The following MCTP1 variants were observed in gnomAD, a reference collection of about 807,000 sequenced individuals.
MCTP1 encodes multiple C2 and transmembrane domain containing 1, also known as multiple C2 and transmembrane domain-containing protein 1.
In MCTP1, 69 loss-of-function variants were observed where a neutral mutation model predicts 120.6. The observed-to-expected ratio is 0.57, with a 90% CI of 0.47 to 0.70. The LOEUF is 0.70. MCTP1 is among the 30% of genes least tolerant of loss of function. MCTP1 has a pLI of 0.00. For synonymous variants in MCTP1, 529 were observed against 493.1 expected (o/e 1.07, Z -0.96); for missense variants, 1,203 against 1,248.8 (o/e 0.96, Z 0.55).
rs1280306914 is a variant in MCTP1 at position 95,284,349 on chromosome 5, C to T, written c.227G>A (p.Ser76Asn). The change falls in exon 1 of 23, where the codon AGC (serine) becomes AAC (asparagine). Residue 76 changes from serine (S) to asparagine (N), a missense_variant. Ser to Asn is a conservative substitution (Grantham distance 46). Around this residue, in one of 2 missense-constraint regions of MCTP1, gnomAD observed 463 missense variants for 377.8 expected, o/e 1.23. Coordinates refer to ENST00000515393, the MANE Select transcript of MCTP1 (RefSeq NM_024717.7). The surrounding 1 kb of genome is among the most constrained non-coding windows in gnomAD (Gnocchi z 5.2). ...CCGCTTCTTGAAGCCGCTCCACCTG[C>T]TGCCTGCACCACTCCCCCTGGCCGG... ...NAPARGSGAG[S>N]RWSGFKKRKQ... is the part of the protein sequence containing the mutation. 2 of 1,596,846 alleles carry T rather than the reference C, an allele frequency of 1.3e-6. No individual in the cohort carries two copies. The highest frequency in any genetic ancestry group is 1.7e-6 in the Non-Finnish European group (2 of 1,179,306).
intron 2 of MCTP1, among the ~76,000 whole-genome samples, chr5:94,963,896 T>C (rs1345640826): frequency 1.3e-5 from 2 of 152,212 alleles, no homozygotes; most frequent in Non-Finnish European, 2.9e-5. Flanking sequence ...CCAAGACCAA[T>C]GTCAAGGAGC....
intron 19 of MCTP1, among the ~76,000 whole-genome samples, chr5:94,756,133 C>T (rs577285193): frequency 1.3e-5 from 2 of 152,314 alleles, no homozygotes; most frequent in South Asian, 2.1e-4. Context: ...CTAAGCTTCA[C>T]TAAATATACA....
chr5:95,221,752 C>G (rs1299382897), intron 1 of MCTP1, among the ~76,000 whole-genome samples: 2 of 152,176 alleles, frequency 1.3e-5, no homozygotes, highest in African/African-American at 4.8e-5. Context: ...AATGTAAGGT[C>G]TTGATGAATC....
At chr5:95,179,123 A>G (rs749667229) in intron 1 of MCTP1, among the ~76,000 whole-genome samples, 11 of 152,216 alleles carry the variant, frequency 7.2e-5, no homozygotes, top group Non-Finnish European at 1.6e-4. Flanking sequence ...CAATCTGACA[A>G]AGACAAAGAC....
intron 1 of MCTP1, among the ~76,000 whole-genome samples, chr5:95,148,018 A>C (rs919129681): frequency 1.3e-4 from 20 of 152,270 alleles, no homozygotes; most frequent in African/African-American, 4.8e-4. Context: ...GGATGCTGAA[A>C]ATAGGTCCCC....
chr5:95,069,761 C>T (rs1034769546), intron 1 of MCTP1, among the ~76,000 whole-genome samples: 1 of 149,314 alleles, frequency 6.7e-6, no homozygotes, highest in African/African-American at 2.5e-5. Context: ...TGCAGTGGTG[C>T]AATCTCTGCT....
chr5:94,719,952 C>A (rs946928835), intron 19 of MCTP1, among the ~76,000 whole-genome samples: 1 of 151,968 alleles, frequency 6.6e-6, no homozygotes, highest in East Asian at 1.9e-4. Flanking sequence ...CGTGGAGAAA[C>A]CCCGTCTCTA....
chr5:94,962,135 A>T, intron 2 of MCTP1, among the ~76,000 whole-genome samples: 1 of 152,252 alleles, frequency 6.6e-6, no homozygotes, highest in Non-Finnish European at 1.5e-5. Flanking sequence ...TAATAATAAA[A>T]AAAAAGAAAT....
intron 2 of MCTP1, among the ~76,000 whole-genome samples, chr5:95,014,429 G>T (rs919048885): frequency 1.3e-5 from 2 of 152,060 alleles, no homozygotes; most frequent in African/African-American, 4.8e-5. Flanking sequence ...AATACCAAGA[G>T]AACTACAATT....
chr5:95,016,052 C>T (rs1562021260), intron 2 of MCTP1, among the ~76,000 whole-genome samples: 2 of 152,120 alleles, frequency 1.3e-5, no homozygotes, highest in Admixed American at 1.3e-4. Flanking sequence ...TCTTTGGAAA[C>T]AGGCAGTTCA....
At chr5:95,276,320 G>A (rs1295555420) in intron 1 of MCTP1, among the ~76,000 whole-genome samples, 5 of 145,810 alleles carry the variant, frequency 3.4e-5, no homozygotes, top group African/African-American at 1.3e-4. Context: ...ATGCAGTGGC[G>A]CTATCTCAGC....
At chr5:95,054,646 T>G (rs1746887441) in intron 1 of MCTP1, among the ~76,000 whole-genome samples, 1 of 152,124 alleles carries the variant, frequency 6.6e-6, no homozygotes, top group Non-Finnish European at 1.5e-5. Flanking sequence ...AGTCAGTAAC[T>G]ATAAACTGAA....
chr5:95,243,020 G>A (rs568607999), intron 1 of MCTP1, among the ~76,000 whole-genome samples: 31 of 152,298 alleles, frequency 2.0e-4, no homozygotes, highest in African/African-American at 7.0e-4. Flanking sequence ...CCATAAGCAA[G>A]ATGAATCCCA....
intron 12 of MCTP1, among the ~76,000 whole-genome samples, chr5:94,885,385 T>C (rs1404392783): frequency 3.3e-5 from 5 of 151,878 alleles, no homozygotes; most frequent in Non-Finnish European, 2.9e-5. Context: ...AAGAACTCTT[T>C]TCTCCTTCTC....
intron 1 of MCTP1, among the ~76,000 whole-genome samples, chr5:95,242,068 ATCATTTCATTCAAATGAAGTGGTCCTCCT>A (rs1183127777): frequency 6.6e-6 from 1 of 152,208 alleles, no homozygotes; most frequent in Non-Finnish European, 1.5e-5. Context: ...AATGCTTATC[ATCATTTCATTCAAATGAAGTGGTCCTCCT>A]TATTCATTTA....
In MCTP1 at chr5:94,966,971, T is replaced by TA. The variant is rs1825768934; in HGVS notation, c.839-13611dup. Among the ~76,000 whole-genome samples the TA allele has an allele frequency of 3.3e-5, 5 of 152,324 alleles. 1 individual carries two copies. The highest frequency in any genetic ancestry group is 1.2e-4 in the African/African-American group (5 of 41,566). ...CCCTCAAAACTAGGAATGATCATTT[T>TA]ACAAAAAACGCACTCGCACAAAATC... is the stretch of plus-strand genomic sequence containing the variant. On this transcript the variant is annotated intron_variant, in intron 2 of 22. Coordinates refer to ENST00000515393, the MANE Select transcript of MCTP1 (RefSeq NM_024717.7).
intron 1 of MCTP1, among the ~76,000 whole-genome samples, chr5:95,182,366 G>T (rs1451551548): frequency 6.6e-6 from 1 of 152,150 alleles, no homozygotes. Flanking sequence ...CACTCTGTAT[G>T]GTAGGTTATA....
chr5:94,893,620 G>A (rs374106084), intron 11 of MCTP1, among the ~76,000 whole-genome samples: 9 of 152,204 alleles, frequency 5.9e-5, no homozygotes, highest in South Asian at 2.1e-4. Context: ...TTGCTGAAGC[G>A]CACATCCTGC....
intron 1 of MCTP1, among the ~76,000 whole-genome samples, chr5:95,254,604 T>G (rs1757694111): frequency 1.3e-5 from 2 of 152,182 alleles, no homozygotes; most frequent in Non-Finnish European, 2.9e-5. Flanking sequence ...TTGAGCCATA[T>G]GGGAGCTATA....
Sources: gnomAD v4.1 joint callset for allele counts (sites outside exome capture counted in the v4.1 genomes callset) on GRCh38, gnomAD v4.1.1 for gene constraint, gnomAD v4.1.1 regional missense constraint, Gnocchi (gnomAD v3.1) non-coding constraint, MANE v1.5 for transcripts, NCBI Gene and HGNC (gene_info 2026-07-23, HGNC 2026-07-21) for gene names.